CTNNA3: variants seen among roughly 807,000 people sequenced by gnomAD.
The protein encoded by CTNNA3 is catenin alpha 3, also known as catenin alpha-3.
A neutral mutation model predicts 95.7 loss-of-function variants in CTNNA3; 76 were observed. The observed-to-expected ratio is 0.79, with a 90% CI of 0.66 to 0.96. The LOEUF is 0.96. CTNNA3 is among the 40% of genes least tolerant of loss of function. The pLI, the probability that CTNNA3 is intolerant of heterozygous loss-of-function variation, is 0.00. For synonymous variants in CTNNA3, 431 were observed against 374.4 expected (o/e 1.15, Z -1.74); for missense variants, 1,191 against 1,089.8 (o/e 1.09, Z -1.31).
intron 13 of CTNNA3, among the ~76,000 whole-genome samples, chr10:66,184,038 G>T (rs1166508846): frequency 3.9e-5 from 6 of 151,934 alleles, no homozygotes; most frequent in Non-Finnish European, 7.4e-5. Flanking sequence ...AAATTTTACG[G>T]CTCACGCCTG....
At chr10:67,555,032 T>C (rs1012784197) in intron 3 of CTNNA3, among the ~76,000 whole-genome samples, 27 of 152,332 alleles carry the variant, frequency 1.8e-4, no homozygotes, top group African/African-American at 5.8e-4. Context: ...TATTTCTTGT[T>C]TTTGTCAGGT....
chr10:65,951,979 G>A (rs1663100498), intron 17 of CTNNA3, among the ~76,000 whole-genome samples: 1 of 142,350 alleles, frequency 7.0e-6, no homozygotes, highest in African/African-American at 2.7e-5. Context: ...GCAGTGAGCC[G>A]AGATGGCACC....
intron 5 of CTNNA3, among the ~76,000 whole-genome samples, chr10:67,228,199 G>A (rs1006091039): frequency 6.6e-6 from 1 of 152,060 alleles, no homozygotes; most frequent in African/African-American, 2.4e-5. Context: ...AAATGAAATC[G>A]AAACAAAATG....
chr10:66,940,756 G>A (rs948241511), intron 7 of CTNNA3, among the ~76,000 whole-genome samples: 2 of 151,898 alleles, frequency 1.3e-5, no homozygotes, highest in Non-Finnish European at 2.9e-5. Flanking sequence ...TGTTAGCTCA[G>A]TTCACAGTAG....
intron 13 of CTNNA3, among the ~76,000 whole-genome samples, chr10:66,109,379 G>A (rs1385804351): frequency 6.6e-6 from 1 of 152,278 alleles, no homozygotes; most frequent in African/African-American, 2.4e-5. Flanking sequence ...GTGAGAATCT[G>A]TTTTGTGTAT....
rs546260494 is a variant in CTNNA3, at chr10:66,724,436, C to G, written c.1281+41828G>C. On this transcript the variant is annotated intron_variant, in intron 9 of 17. Coordinates refer to ENST00000433211, the MANE Select transcript of CTNNA3 (RefSeq NM_013266.4). The stretch of plus-strand genomic sequence containing the variant: ...ATTAATCTGAACTAATAAAGAGGAA[C>G]AGCAGGCTAATCATAGCTCATTTAT... Among the ~76,000 whole-genome samples, 9 of 152,240 alleles carry G rather than the reference C, an allele frequency of 5.9e-5. 1 individual carries two copies. In the South Asian group the frequency reaches 6.2e-4, roughly 11 times the overall value.
intron 1 of CTNNA3, among the ~76,000 whole-genome samples, chr10:67,684,036 T>A (rs7070960): frequency 6.6e-6 from 1 of 152,196 alleles, no homozygotes; most frequent in Non-Finnish European, 1.5e-5. Flanking sequence ...TTCCACAGCA[T>A]GGAAGGGGAC....
intron 7 of CTNNA3, among the ~76,000 whole-genome samples, chr10:67,133,873 A>T (rs1393052633): frequency 1.3e-5 from 2 of 152,078 alleles, no homozygotes; most frequent in African/African-American, 2.4e-5. Flanking sequence ...TTAGAGAGAC[A>T]AGGTCTTGCT....
rs34448730 is a variant in CTNNA3, at chr10:66,063,223, T to TATAGATAG, written c.2159+6077_2159+6084dup. 2.6e-3 allele frequency among the ~76,000 whole-genome samples: 308 copies of TATAGATAG among 117,718 alleles called. 1 individual carries two copies. The highest frequency in any genetic ancestry group is 0.01 in the African/African-American group (293 of 28,442). 77.2% of individuals were successfully genotyped at this position (117,718 alleles called of 152,430 possible). ...ATATATATATATATATAGATATAGA[T>TATAGATAG]ATAGATAGATAGATAGATAGATAGA... On this transcript the variant is annotated intron_variant, in intron 15 of 17. Coordinates refer to ENST00000433211, the MANE Select transcript of CTNNA3 (RefSeq NM_013266.4).
intron 12 of CTNNA3, among the ~76,000 whole-genome samples, chr10:66,334,777 C>T (rs546443898): frequency 8.3e-4 from 126 of 152,114 alleles, no homozygotes; most frequent in Non-Finnish European, 1.5e-3. Flanking sequence ...TGAATGTTGG[C>T]CTGCCTTGCT....
In CTNNA3 at chr10:66,901,010, T is replaced by A. The variant is rs113927400; in HGVS notation, c.1048-125486A>T. ...CTAGCAAAGCAGGCCAACATTCACA[T>A]TCAGGAAATACAGAGAACACCACAA... On this transcript the variant is annotated intron_variant, in intron 7 of 17. Coordinates refer to ENST00000433211, the MANE Select transcript of CTNNA3 (RefSeq NM_013266.4). Among the ~76,000 whole-genome samples the A allele has an allele frequency of 3.6e-3, 542 of 152,232 alleles. 2 individuals carry two copies. The highest frequency in any genetic ancestry group is 0.012 in the African/African-American group (514 of 41,552).
At chr10:66,719,327 GTTTA>G (rs376244892) in intron 9 of CTNNA3, among the ~76,000 whole-genome samples, 87 of 151,298 alleles carry the variant, frequency 5.8e-4, no homozygotes, top group African/African-American at 2.0e-3. Flanking sequence ...TATATTAAGT[GTTTA>G]TTTGTCTGTC....
At chr10:67,191,197 C>T (rs1863103023) in intron 6 of CTNNA3, among the ~76,000 whole-genome samples, 1 of 151,944 alleles carries the variant, frequency 6.6e-6, no homozygotes, top group Non-Finnish European at 1.5e-5. Context: ...CAAAATTAAA[C>T]ATATTGTCCC....
intron 5 of CTNNA3, among the ~76,000 whole-genome samples, chr10:67,463,341 A>G (rs539667951): frequency 6.6e-6 from 1 of 152,278 alleles, no homozygotes; most frequent in East Asian, 1.9e-4. Flanking sequence ...AATCACCATC[A>G]GTTTTCTTGG....
chr10:66,100,560 T>C (rs943704731), intron 14 of CTNNA3, among the ~76,000 whole-genome samples: 1 of 152,096 alleles, frequency 6.6e-6, no homozygotes, highest in African/African-American at 2.4e-5. Flanking sequence ...ATGAACTGGA[T>C]TGTCTGAGAA....
At chr10:66,803,270 C>G (rs1335016087) in intron 7 of CTNNA3, among the ~76,000 whole-genome samples, 1 of 151,868 alleles carries the variant, frequency 6.6e-6, no homozygotes, top group African/African-American at 2.4e-5. Context: ...TACAATCCGC[C>G]GTCATCAACT....
chr10:67,353,139 T>C (rs1489210456), intron 5 of CTNNA3, among the ~76,000 whole-genome samples: 2 of 152,034 alleles, frequency 1.3e-5, no homozygotes, highest in Non-Finnish European at 2.9e-5. Flanking sequence ...CCTGTCTGAA[T>C]GTCAGTGTTC....
At chr10:66,158,760 T>C (rs750583011) in intron 13 of CTNNA3, among the ~76,000 whole-genome samples, 6 of 152,144 alleles carry the variant, frequency 3.9e-5, no homozygotes, top group Admixed American at 1.3e-4. Context: ...TTCACAATAT[T>C]GATTCTACCC....
chr10:66,488,371 A>G (rs1839810099), intron 11 of CTNNA3, among the ~76,000 whole-genome samples: 2 of 152,160 alleles, frequency 1.3e-5, no homozygotes, highest in African/African-American at 4.8e-5. Flanking sequence ...TAATCTATAT[A>G]CCTTGAATTC....
Sources: gnomAD v4.1 joint callset for allele counts (sites outside exome capture counted in the v4.1 genomes callset) on GRCh38, gnomAD v4.1.1 for gene constraint, MANE v1.5 for transcripts, NCBI Gene and HGNC (gene_info 2026-07-23, HGNC 2026-07-21) for gene names.